The following ZNF251 variants were observed in gnomAD, a reference collection of about 807,000 sequenced individuals.
ZNF251 encodes the protein zinc finger protein 251.
Under a neutral mutation model 13.5 loss-of-function variants are expected in ZNF251, and 14 were observed. The ratio of observed to expected loss-of-function variants is 1.04; its 90% CI spans 0.69 to 1.63. The LOEUF (loss-of-function observed/expected upper bound fraction) is 1.63. ZNF251 is among the 40% of genes most tolerant of loss of function. ZNF251 has a pLI of 0.00. For synonymous variants in ZNF251, 287 were observed against 295.2 expected, an observed-to-expected ratio of 0.97 and a Z score of 0.28; for missense variants, 764 against 834.9, an observed-to-expected ratio of 0.92 and a Z score of 1.05.
At chr8:144,749,227 C>T (rs912084807) in intron 4 of ZNF251, among the ~76,000 whole-genome samples, 18 of 152,174 alleles carry the variant, frequency 1.2e-4, no homozygotes, top group African/African-American at 2.9e-4. Flanking sequence ...TGGCTCATTC[C>T]TGTAATCCCA....
At chr8:144,738,150 G>C (rs1462016543) in intron 4 of ZNF251, among the ~76,000 whole-genome samples, 3 of 152,106 alleles carry the variant, frequency 2.0e-5, no homozygotes, top group African/African-American at 7.2e-5. Context: ...CCAGCAGGCG[G>C]CCCAGCACAC....
chr8:144,739,828 A>G (rs899593654), intron 4 of ZNF251, among the ~76,000 whole-genome samples: 3 of 150,946 alleles, frequency 2.0e-5, no homozygotes. Context: ...CTGGGAGGGT[A>G]AGGCTGCAGC....
chr8:144,732,827 A>T (rs1487517359), intron 4 of ZNF251, among the ~76,000 whole-genome samples: 1 of 151,838 alleles, frequency 6.6e-6, no homozygotes, highest in African/African-American at 2.4e-5. Flanking sequence ...AAAAAAAAAA[A>T]AAATACATTG....
Position 144,723,312 on chromosome 8 carries a change from T to TG in ZNF251, c.347dup (p.Glu117ArgfsTer11). 6.4e-7 allele frequency: 1 copy of TG among 1,559,286 alleles called. No homozygotes were observed. The highest frequency in any genetic ancestry group is 8.7e-7 in the Non-Finnish European group (1 of 1,155,396). On this transcript the variant is annotated frameshift_variant, in exon 5 of 5. Transcript: ENST00000292562. LOFTEE classifies it low-confidence loss of function (END_TRUNC). ...TTAAGAGTCTTCTTGATACAAATTC[T>TG]GGGGTTTTTACTTCTTCGGAAAATT...
chr8:144,733,712 G>A (rs1038107470), intron 4 of ZNF251, among the ~76,000 whole-genome samples: 6 of 152,106 alleles, frequency 3.9e-5, no homozygotes, highest in African/African-American at 9.7e-5. Context: ...CTCTCTCCTC[G>A]CGCCGACCTC....
intron 4 of ZNF251, among the ~76,000 whole-genome samples, chr8:144,744,049 T>C (rs916270146): frequency 4.9e-5 from 7 of 142,836 alleles, no homozygotes; most frequent in East Asian, 2.1e-4. Context: ...AGTCTCACTC[T>C]GTCACCCAGG....
Position 144,722,240 on chromosome 8 carries a change from A to T in ZNF251, c.1420T>A (p.Ser474Thr). The change falls in exon 5 of 5, where the codon TCC becomes ACC. Residue 474 changes from serine (S) to threonine (T), a missense_variant. Ser to Thr is a moderately conservative substitution (Grantham distance 58). Transcript: ENST00000292562. The surrounding 1 kb of genome is among the most constrained non-coding windows in gnomAD (Gnocchi z 4.8). Reference sequence around the variant, plus strand: ...ACTCGCTGATGTAGGGTGAGCTGGGAGCTCTGGCTGAAAGCTTTCCCACAT... The same window carrying T: ...ACTCGCTGATGTAGGGTGAGCTGGGTGCTCTGGCTGAAAGCTTTCCCACAT... ...VECGKAFSQS[S>T]QLTLHQRVHT... The T allele has an allele frequency of 6.2e-7, 1 of 1,612,992 alleles. No homozygotes were observed. The highest frequency in any genetic ancestry group is 8.5e-7 in the Non-Finnish European group (1 of 1,179,752).
chr8:144,753,202 T>C (rs531670762), intron 4 of ZNF251, among the ~76,000 whole-genome samples: 351 of 139,542 alleles, frequency 2.5e-3, no homozygotes, highest in African/African-American at 9.0e-3. Context: ...CTGAGCCTGG[T>C]ACGTGGAGGT....
chr8:144,743,978 A>G (rs1017633752), intron 4 of ZNF251, among the ~76,000 whole-genome samples: 34 of 143,250 alleles, frequency 2.4e-4, no homozygotes, highest in African/African-American at 8.2e-4. Flanking sequence ...TCTTCTCCCA[A>G]TCTATGGACT....
chr8:144,743,792 T>C (rs1824281172), intron 4 of ZNF251, among the ~76,000 whole-genome samples: 1 of 152,164 alleles, frequency 6.6e-6, no homozygotes, highest in Non-Finnish European at 1.5e-5. Context: ...TAATGTGCAG[T>C]TCCTTAGAGA....
At chr8:144,752,636 G>A (rs1824750289) in intron 4 of ZNF251, among the ~76,000 whole-genome samples, 2 of 152,188 alleles carry the variant, frequency 1.3e-5, no homozygotes, top group African/African-American at 4.8e-5. Flanking sequence ...ACAAATATGG[G>A]GTATATTTTT....
At chr8:144,754,122 G>C in intron 3 of ZNF251, 70 bp downstream of exon 3, 2 of 1,551,778 alleles carry the variant, frequency 1.3e-6, no homozygotes, top group Non-Finnish European at 1.7e-6. Context: ...GGGATCCAAA[G>C]AGCCAAAGCA....
Position 144,722,886 on chromosome 8 carries a change from A to G in ZNF251, c.774T>C (p.Ile258=). ...ATTTAAATGGTTTATTTCCAGTGTG[A>G]ATGTGATGGTGCAGAACAAGATTTG... ...HSSNLVLHHH[I]HTGNKPFKCD... Residue 258 remains isoleucine (I), a synonymous_variant, in exon 5 of 5, where the codon ATT becomes ATC. Coordinates refer to ENST00000292562, the MANE Select transcript of ZNF251 (RefSeq NM_138367.2). The surrounding 1 kb of genome is among the most constrained non-coding windows in gnomAD (Gnocchi z 4.8). 1.2e-6 allele frequency: 2 copies of G among 1,614,010 alleles called. No individual in the cohort carries two copies. Among genetic ancestry groups the G allele is most frequent in the Non-Finnish European group, 1.7e-6 (2 of 1,179,894 alleles).
At chr8:144,748,845 C>T (rs1436835482) in intron 4 of ZNF251, among the ~76,000 whole-genome samples, 1 of 152,134 alleles carries the variant, frequency 6.6e-6, no homozygotes, top group Non-Finnish European at 1.5e-5. Context: ...TTACAGGAGC[C>T]ATCACTCCTG....
At chr8:144,751,391 A>G (rs998537222) in intron 4 of ZNF251, among the ~76,000 whole-genome samples, 1 of 152,224 alleles carries the variant, frequency 6.6e-6, no homozygotes, top group Non-Finnish European at 1.5e-5. Flanking sequence ...TTCTGAGTTT[A>G]AAATGTTATG....
At position 144,722,719 on chromosome 8, in the gene ZNF251, A is replaced by G. The variant is rs756343508; in HGVS notation, c.941T>C (p.Ile314Thr). The G allele has an allele frequency of 2.0e-5, 33 of 1,614,056 alleles. No individual in the cohort carries two copies. Among genetic ancestry groups the G allele is most frequent in the Non-Finnish European group, 2.8e-5 (33 of 1,179,972 alleles). The change falls in exon 5 of 5, where the codon ATT becomes ACT. Residue 314 changes from isoleucine to threonine, a missense_variant. Physicochemically the swap from Ile to Thr is moderately conservative, Grantham distance 89. Transcript: ENST00000292562. The surrounding 1 kb of genome is among the most constrained non-coding windows in gnomAD (Gnocchi z 4.8). ...RSSTLIQHRI[I>T]HTGEKPYKCN... ...CTTGTAGGGTTTCTCTCCTGTGTGA[A>G]TGATCCGATGTTGAATAAGAGTTGA...
chr8:144,730,752 G>C (rs577201961), intron 4 of ZNF251, among the ~76,000 whole-genome samples: 1 of 152,232 alleles, frequency 6.6e-6, no homozygotes. Flanking sequence ...GTGGCTCTCC[G>C]GGGTGCCCAT....
At chr8:144,732,570 G>T (rs12681800) in intron 4 of ZNF251, among the ~76,000 whole-genome samples, 17,430 of 151,118 alleles carry the variant, frequency 0.12, 1,942 homozygotes, top group East Asian at 0.52. Context: ...CCCAGCACTT[G>T]GGGAGGCCAA....
intron 1 of ZNF251, chr8:144,755,123 G>T (rs1824897365): frequency 2.5e-6 from 3 of 1,218,596 alleles, no homozygotes; most frequent in Non-Finnish European, 2.1e-6. Flanking sequence ...GCCACGTGAG[G>T]GTGCAGCCTC....
Sources: allele counts gnomAD v4.1 joint callset (sites outside exome capture counted in the v4.1 genomes callset), GRCh38; gene constraint gnomAD v4.1.1; non-coding constraint Gnocchi (gnomAD v3.1); transcripts MANE v1.5; gene names NCBI Gene and HGNC (gene_info 2026-07-23, HGNC 2026-07-21).